Variants in PAN2 observed in about 807,000 individuals in gnomAD.
PAN2 encodes poly(A) specific ribonuclease subunit PAN2.
In PAN2, 68 loss-of-function variants were observed where a neutral mutation model predicts 133.3. The observed-to-expected ratio is 0.51, with a 90% CI of 0.42 to 0.62. The LOEUF is 0.62. PAN2 is among the 20% of genes least tolerant of loss of function. PAN2 has a pLI of 0.00. For synonymous variants in PAN2, 462 were observed against 544.6 expected, an observed-to-expected ratio of 0.85 and a Z score of 2.11; for missense variants, 1,042 against 1,500.5, an observed-to-expected ratio of 0.69 and a Z score of 5.05.
intron 2 of PAN2, among the ~76,000 whole-genome samples, chr12:56,331,955 C>T (rs1437199857): frequency 2.6e-5 from 4 of 152,080 alleles, no homozygotes; most frequent in African/African-American, 7.2e-5. Context: ...CCTCGTGATC[C>T]GCCTGCCTCA....
chr12:56,330,234 T>G (rs912994457), intron 2 of PAN2, among the ~76,000 whole-genome samples: 1 of 152,184 alleles, frequency 6.6e-6, no homozygotes, highest in Non-Finnish European at 1.5e-5. Flanking sequence ...AGCAACATTG[T>G]TTCTAAAAGA....
intron 2 of PAN2, among the ~76,000 whole-genome samples, chr12:56,331,102 C>T (rs1875789296): frequency 6.6e-6 from 1 of 152,124 alleles, no homozygotes; most frequent in Non-Finnish European, 1.5e-5. Context: ...GCCCAGCCAG[C>T]ATTTTTCTTA....
chr12:56,327,414 A>C lies in PAN2; in HGVS notation c.869T>G (p.Leu290Trp). The C allele has an allele frequency of 6.2e-7, 1 of 1,614,204 alleles. No homozygotes were observed. The highest frequency in any genetic ancestry group is 8.5e-7 in the Non-Finnish European group (1 of 1,180,036). ...PLQVHVDPAF[L>W]RFIPTYTSRL... ...AGAAGTATATGTAGGAATGAAGCGC[A>C]AGAAGGCAGGATCCACATGTACTTG... Residue 290 changes from leucine (L) to tryptophan (W), a missense_variant, in exon 6 of 26, where the codon TTG becomes TGG. Leu to Trp is a moderately conservative substitution (Grantham distance 61). Transcript: ENST00000440411.
intron 13 of PAN2, 28 bp downstream of exon 13, chr12:56,324,021 G>C: frequency 6.2e-7 from 1 of 1,613,714 alleles, no homozygotes. Flanking sequence ...CTTCCCAACT[G>C]AGCTGAAGGG....
chr12:56,323,894 A>G lies in PAN2; in HGVS notation c.2085T>C (p.Tyr695=), dbSNP rs374600842. The change falls in exon 14 of 26, where the codon TAT becomes TAC. Residue 695 remains tyrosine (Y), a synonymous_variant. Transcript: ENST00000440411. ...TTCGCTTCAGCACCTGAGCAAAGTC[A>G]TAGTTCTTCCCAGTTTTATCTGAGG... ...SYPDDKTGKN[Y]DFAQVLKRSI... is the part of the protein sequence containing the mutation. The G allele has an allele frequency of 1.2e-6, 2 of 1,614,034 alleles. No homozygotes were observed. The highest frequency in any genetic ancestry group is 1.1e-5 in the South Asian group (1 of 91,084).
In PAN2 at chr12:56,328,636, A is replaced by G. The variant is rs1321995186; in HGVS notation, c.288T>C (p.His96=). The part of the protein sequence containing the change: ...EMLWVGSHGG[H]ATSFFGPALE... The stretch of plus-strand genomic sequence containing the variant: ...AGGCTGGGCCAAAAAATGAAGTGGC[A>G]TGGCCCTATAGAGGACAAAGACAAC... Residue 96 remains histidine (H), a synonymous_variant, in exon 3 of 26, where the codon CAT becomes CAC. Transcript: ENST00000440411. 3 of 1,614,040 alleles carry G rather than the reference A, an allele frequency of 1.9e-6. No individual in the cohort carries two copies. Among genetic ancestry groups the G allele is most frequent in the Admixed American group, 3.3e-5 (2 of 60,026 alleles).
At chr12:56,324,265 C>T (rs1439399097) in intron 12 of PAN2, 29 bp downstream of exon 12, 2 of 1,612,054 alleles carry the variant, frequency 1.2e-6, no homozygotes, top group Non-Finnish European at 8.5e-7. Flanking sequence ...GTCATGATGG[C>T]TTTAACTATT....
intron 2 of PAN2, among the ~76,000 whole-genome samples, chr12:56,330,486 A>G (rs1875686081): frequency 6.9e-6 from 1 of 145,400 alleles, no homozygotes; most frequent in South Asian, 2.2e-4. Flanking sequence ...CAGCCTCCCA[A>G]GTAGCTGGGA....
Position 56,322,108 on chromosome 12 carries a change from G to C in PAN2, c.2758C>G (p.Arg920Gly). The C allele has an allele frequency of 1.2e-6, 2 of 1,607,048 alleles. No homozygotes were observed. The highest frequency in any genetic ancestry group is 1.7e-6 in the Non-Finnish European group (2 of 1,173,644). Residue 920 changes from arginine (R) to glycine (G), a missense_variant, in exon 20 of 26, where the codon CGG (arginine) becomes GGG (glycine). Arg to Gly is a moderately radical substitution (Grantham distance 125). This residue lies in a region of PAN2 where 908 missense variants were observed against 1,223.5 expected (regional missense o/e 0.74). Coordinates refer to ENST00000440411, the MANE Select transcript of PAN2 (RefSeq NM_014871.6). Reference sequence around the variant, plus strand: ...AGGTTGTATCTGGAATTGAGATTCCGTTTGACATAATAAAGGATTGCAGGT... The same window carrying C: ...AGGTTGTATCTGGAATTGAGATTCCCTTTGACATAATAAAGGATTGCAGGT... ...KVPAILYYVK[R>G]NLNSRYNLNI...
chr12:56,322,439 A>G lies in PAN2; in HGVS notation c.2681T>C (p.Ile894Thr). 6.2e-7 allele frequency: 1 copy of G among 1,613,398 alleles called. No homozygotes were observed. The highest frequency in any genetic ancestry group is 8.5e-7 in the Non-Finnish European group (1 of 1,179,278). Residue 894 changes from isoleucine to threonine, a missense_variant, in exon 19 of 26, where the codon ATT (isoleucine) becomes ACT (threonine). This residue lies in a region of PAN2 where 908 missense variants were observed against 1,223.5 expected (regional missense o/e 0.74). Coordinates refer to ENST00000440411, the MANE Select transcript of PAN2 (RefSeq NM_014871.6). Reference protein sequence around the residue: ...QQWYLFNDFLIEPIDKHEAVQ... With the variant: ...QQWYLFNDFLTEPIDKHEAVQ... ...GCAACTAACCTTATCAATAGGTTCA[A>G]TAAGAAAGTCATTGAACAGATACCA...
rs1874226730 is a variant in PAN2, at chr12:56,319,210, A to G, written c.3271-29T>C. The G allele has an allele frequency of 6.2e-7, 1 of 1,614,046 alleles. No homozygotes were observed. The highest frequency in any genetic ancestry group is 2.2e-5 in the East Asian group (1 of 44,882). ...GCAAGGATAAAAGAGGGGGAGACTT[A>G]AGGTAGGGGACCTATAATTCCCCAT... is the stretch of plus-strand genomic sequence containing the variant. On this transcript the variant is annotated intron_variant, in intron 23 of 25. Coordinates refer to ENST00000440411, the MANE Select transcript of PAN2 (RefSeq NM_014871.6). This position sits in a 1 kb window ranked among gnomAD's most constrained non-coding sequence, Gnocchi z 5.4.
chr12:56,323,159 T>G lies in PAN2; in HGVS notation c.2396A>C (p.Glu799Ala). 1.2e-6 allele frequency: 2 copies of G among 1,614,170 alleles called. No individual in the cohort carries two copies. Among genetic ancestry groups the G allele is most frequent in the Non-Finnish European group, 1.7e-6 (2 of 1,180,036 alleles). The change falls in exon 17 of 26, where the codon GAG (glutamate) becomes GCG (alanine). Residue 799 changes from glutamate (E) to alanine (A), a missense_variant. This residue lies in a region of PAN2 where 908 missense variants were observed against 1,223.5 expected (regional missense o/e 0.74). Coordinates refer to ENST00000440411, the MANE Select transcript of PAN2 (RefSeq NM_014871.6). The part of the protein sequence containing the change: ...EGVLVCPSIE[E>A]LKNVWLPFSI... Reference sequence around the variant, plus strand: ...GAAAGGAAGCCAGACGTTCTTCAACTCCTCAATGGAGGGACACACCAGCAC... The same window carrying G: ...GAAAGGAAGCCAGACGTTCTTCAACGCCTCAATGGAGGGACACACCAGCAC...
Position 56,332,476 on chromosome 12 carries a change from TC to T in PAN2, c.282+336del, listed in dbSNP as rs531212956. 2.5e-3 allele frequency among the ~76,000 whole-genome samples: 374 copies of T among 151,974 alleles called. 1 individual carries two copies. Among genetic ancestry groups the T allele is most frequent in the Middle Eastern group, 0.017 (5 of 294 alleles). On this transcript the variant is annotated intron_variant, in intron 2 of 25. Coordinates refer to ENST00000440411, the MANE Select transcript of PAN2 (RefSeq NM_014871.6). Reference sequence around the variant, plus strand: ...TGGTCTTGGTTGCGCATGCCTGTAGTCCCAGCTACTTGAGATGCTAAAGTGG... The same window carrying T: ...TGGTCTTGGTTGCGCATGCCTGTAGTCCAGCTACTTGAGATGCTAAAGTGG...
chr12:56,331,837 C>G (rs1875907675), intron 2 of PAN2, among the ~76,000 whole-genome samples: 1 of 151,984 alleles, frequency 6.6e-6, no homozygotes. Context: ...CCTCAGCCTT[C>G]CGAGTAGCTG....
At chr12:56,332,317 G>T (rs1875971976) in intron 2 of PAN2, among the ~76,000 whole-genome samples, 1 of 152,186 alleles carries the variant, frequency 6.6e-6, no homozygotes, top group South Asian at 2.1e-4. Flanking sequence ...AAAGTGGGAT[G>T]CTGGCCAGGT....
chr12:56,322,942 A>C (rs1407969131), intron 17 of PAN2, 120 bp downstream of exon 17: 17 of 1,357,236 alleles, frequency 1.3e-5, no homozygotes, highest in Admixed American at 3.6e-5. Flanking sequence ...TAACAGGTAA[A>C]TACTAGGCCT....
At position 56,317,428 on chromosome 12, in the gene PAN2, A is replaced by C. The variant is rs375661735; in HGVS notation, c.*181T>G. On this transcript the variant is annotated 3_prime_UTR_variant, in exon 26 of 26. Transcript: ENST00000440411. ...TGAAGAAGGAATGAATCTGGCTCCTAGAACCTTTGCAACAATTCTGCTGTG... is the reference window on the plus strand; with the variant it reads ...TGAAGAAGGAATGAATCTGGCTCCTCGAACCTTTGCAACAATTCTGCTGTG... 42 of 621,288 alleles carry C rather than the reference A, an allele frequency of 6.8e-5. No homozygotes were observed. The East Asian group carries it at 7.4e-4, about 11-fold the overall frequency. The allele number at this position is 621,288 out of a possible 1,614,324, so 38.5% of individuals were successfully genotyped here. A position where few individuals can be genotyped will look rare whatever the true frequency, so the allele number is the denominator to read the frequency against.
intron 20 of PAN2, among the ~76,000 whole-genome samples, chr12:56,321,559 A>T (rs1382832241): frequency 2.1e-5 from 3 of 145,034 alleles, no homozygotes; most frequent in South Asian, 2.2e-4. Flanking sequence ...AAAAAAAAAA[A>T]ATTTTTTTAG....
At position 56,332,611 on chromosome 12, in the gene PAN2, A is replaced by AG. The variant is rs1876034422; in HGVS notation, c.282+201_282+202insC. On this transcript the variant is annotated intron_variant, in intron 2 of 25. Transcript: ENST00000440411. The stretch of plus-strand genomic sequence containing the variant: ...CAAGACCCTGTCTCGAAAAAAAAAA[A>AG]AAAAAAAAGGGATGCCTCCTGAGAA... 1.1e-5 allele frequency: 6 copies of AG among 571,214 alleles called. No individual in the cohort carries two copies. In the East Asian group the frequency reaches 1.8e-4, roughly 17 times the overall value. The allele number at this position is 571,214 out of a possible 1,614,324, so 35.4% of individuals were successfully genotyped here.
Sources: allele counts gnomAD v4.1 joint callset (sites outside exome capture counted in the v4.1 genomes callset), GRCh38; gene constraint gnomAD v4.1.1; regional missense constraint gnomAD v4.1.1; non-coding constraint Gnocchi (gnomAD v3.1); transcripts MANE v1.5; gene names NCBI Gene and HGNC (gene_info 2026-07-23, HGNC 2026-07-21).